IL1RAPL2: variants seen among roughly 807,000 people sequenced by gnomAD.
The protein encoded by IL1RAPL2 is X-linked interleukin-1 receptor accessory protein-like 2.
Under a neutral mutation model 44.1 loss-of-function variants are expected in IL1RAPL2, and 3 were observed. The ratio of observed to expected loss-of-function variants is 0.07; its 90% CI spans 0.03 to 0.18. IL1RAPL2 has a LOEUF of 0.18. Among genes scored for constraint, IL1RAPL2 ranks in the 10% least tolerant of loss-of-function variants. IL1RAPL2 has a pLI of 1.00. For missense variants in IL1RAPL2, 391 were observed against 496.4 expected (o/e 0.79, Z 2.02); for synonymous variants, 181 against 178.8 (o/e 1.01, Z -0.10).
intron 2 of IL1RAPL2, among the ~76,000 whole-genome samples, chrX:104,799,225 T>C (rs775585867): frequency 2.7e-5 from 3 of 111,225 alleles, no homozygotes; most frequent in Non-Finnish European, 5.7e-5. Flanking sequence ...TATTACTTAT[T>C]TTATTATACT....
At chrX:104,730,425 A>G (rs986433515) in intron 2 of IL1RAPL2, among the ~76,000 whole-genome samples, 4 of 77,001 alleles carry the variant, frequency 5.2e-5, no homozygotes, top group African/African-American at 2.1e-4. Flanking sequence ...TCCTGTGTCC[A>G]TGTGTTCTCA....
intron 9 of IL1RAPL2, among the ~76,000 whole-genome samples, chrX:105,754,370 CATGCACATTTTCTCTCTG>C (rs1414627005): frequency 1.8e-5 from 2 of 111,851 alleles, no homozygotes; most frequent in East Asian, 5.6e-4. Flanking sequence ...TGTATGCATA[CATGCACATTTTCTCTCTG>C]GAGAGACTGG....
intron 5 of IL1RAPL2, among the ~76,000 whole-genome samples, chrX:105,439,601 T>G (rs1423042466): frequency 9.2e-6 from 1 of 109,077 alleles, no homozygotes; most frequent in Non-Finnish European, 1.9e-5. Context: ...TAGGAGAACC[T>G]CCTTAACATT....
intron 2 of IL1RAPL2, among the ~76,000 whole-genome samples, chrX:104,873,860 G>A (rs972584805): frequency 9.0e-6 from 1 of 111,731 alleles, no homozygotes; most frequent in African/African-American, 3.2e-5. Flanking sequence ...ATAGAGGCTT[G>A]AAAATCATTA....
At chrX:104,788,231 ACAT>A (rs1291008810) in intron 2 of IL1RAPL2, among the ~76,000 whole-genome samples, 3 of 112,267 alleles carry the variant, frequency 2.7e-5, no homozygotes, top group Non-Finnish European at 5.6e-5. Context: ...AGCAGATCTG[ACAT>A]CATAACAGTT....
intron 2 of IL1RAPL2, among the ~76,000 whole-genome samples, chrX:105,141,816 AT>A (rs2033128027): frequency 8.9e-6 from 1 of 112,489 alleles, no homozygotes; most frequent in Admixed American, 9.4e-5. Context: ...ATGGCTTCAG[AT>A]TATGTCAAAA....
chrX:105,355,275 A>G (rs1244416363), intron 5 of IL1RAPL2, among the ~76,000 whole-genome samples: 2 of 111,154 alleles, frequency 1.8e-5, no homozygotes, highest in African/African-American at 6.5e-5. Context: ...CTACTTTTTA[A>G]TTTGCGTCCT....
At chrX:104,972,618 ATTTACTATAGAGT>A (rs1423935850) in intron 2 of IL1RAPL2, among the ~76,000 whole-genome samples, 1 of 111,642 alleles carries the variant, frequency 9.0e-6, no homozygotes, top group Non-Finnish European at 1.9e-5. Context: ...TTTTTGAAAT[ATTTACTATAGAGT>A]TTTGTTCCTA....
intron 2 of IL1RAPL2, among the ~76,000 whole-genome samples, chrX:104,745,807 A>C (rs1181064543): frequency 9.0e-6 from 1 of 111,486 alleles, no homozygotes; most frequent in Non-Finnish European, 1.9e-5. Flanking sequence ...TTTAATAGTG[A>C]AGGTGTGATC....
At chrX:105,739,649 T>A (rs1160054418) in intron 7 of IL1RAPL2, among the ~76,000 whole-genome samples, 2 of 107,616 alleles carry the variant, frequency 1.9e-5, no homozygotes, top group Non-Finnish European at 3.8e-5. Flanking sequence ...ATTTCCAATT[T>A]CATCCATGTC....
At position 105,587,569 on chromosome X, in the gene IL1RAPL2, A is replaced by C. The variant is rs191235574; in HGVS notation, c.772+103182A>C. Reference sequence around the variant, plus strand: ...TTTTCTACTTTATTAGTTGAACTTTAATGTTCTTCCTTTATTATTTTTGTA... The same window carrying C: ...TTTTCTACTTTATTAGTTGAACTTTCATGTTCTTCCTTTATTATTTTTGTA... On this transcript the variant is annotated intron_variant, in intron 6 of 10. Transcript: ENST00000372582. Among the ~76,000 whole-genome samples the C allele has an allele frequency of 8.2e-3, 916 of 111,283 alleles. 33 individuals are homozygous for C. Among genetic ancestry groups the C allele is most frequent in the Admixed American group, 0.08 (824 of 10,361 alleles).
chrX:105,234,845 T>A (rs782258436), intron 4 of IL1RAPL2, among the ~76,000 whole-genome samples: 1 of 106,591 alleles, frequency 9.4e-6, no homozygotes, highest in Admixed American at 1.0e-4. Context: ...AATGAAAGGA[T>A]TATTTACAAA....
intron 2 of IL1RAPL2, among the ~76,000 whole-genome samples, chrX:105,024,263 C>T (rs1279271095): frequency 9.0e-6 from 1 of 111,447 alleles, no homozygotes; most frequent in African/African-American, 3.2e-5. Context: ...GCTTTCTGCC[C>T]ATCATACAAT....
chrX:105,301,757 T>A (rs1220394301), intron 5 of IL1RAPL2, among the ~76,000 whole-genome samples: 1 of 112,438 alleles, frequency 8.9e-6, no homozygotes, highest in Non-Finnish European at 1.9e-5. Flanking sequence ...ACCACATTTT[T>A]AAAAATCCAT....
intron 6 of IL1RAPL2, among the ~76,000 whole-genome samples, chrX:105,499,642 A>G (rs1482151511): frequency 8.9e-6 from 1 of 112,117 alleles, no homozygotes; most frequent in African/African-American, 3.2e-5. Context: ...ATGTGAGAAG[A>G]TGATCAATAT....
At chrX:105,461,826 A>G (rs1602423038) in intron 5 of IL1RAPL2, among the ~76,000 whole-genome samples, 1 of 111,552 alleles carries the variant, frequency 9.0e-6, no homozygotes, top group Non-Finnish European at 1.9e-5. Flanking sequence ...CAGAAGAAAG[A>G]AGCCATACGT....
chrX:104,793,102 G>A (rs779097668), intron 2 of IL1RAPL2, among the ~76,000 whole-genome samples: 23 of 112,245 alleles, frequency 2.0e-4, no homozygotes, highest in Non-Finnish European at 2.6e-4. Flanking sequence ...CGACAAGAAT[G>A]GCCACTCAAG....
chrX:104,690,934 C>A (rs960742512), intron 2 of IL1RAPL2, among the ~76,000 whole-genome samples: 1 of 111,851 alleles, frequency 8.9e-6, no homozygotes, highest in Admixed American at 9.6e-5. Context: ...TTTCCATACC[C>A]TTTGCTTAGG....
chrX:105,472,964 C>T (rs1262444092), intron 5 of IL1RAPL2, among the ~76,000 whole-genome samples: 1 of 111,862 alleles, frequency 8.9e-6, no homozygotes, highest in Non-Finnish European at 1.9e-5. Flanking sequence ...TGAATGATAG[C>T]TCTGCCATCT....
Sources: gnomAD v4.1 joint callset for allele counts (sites outside exome capture counted in the v4.1 genomes callset) on GRCh38, gnomAD v4.1.1 for gene constraint, MANE v1.5 for transcripts, NCBI Gene and HGNC (gene_info 2026-07-23, HGNC 2026-07-21) for gene names.